MON2: variants seen among roughly 807,000 people sequenced by gnomAD.
The protein encoded by MON2 is MON2 regulator of endosome-to-Golgi trafficking.
MON2 carries 84 observed loss-of-function variants against 208.6 expected under a neutral mutation model. The observed-to-expected ratio is 0.40, with a 90% CI of 0.34 to 0.48. The LOEUF (loss-of-function observed/expected upper bound fraction) is 0.48. Ranked by LOEUF, MON2 falls within the 20% of genes least tolerant of loss-of-function variation. The pLI is 0.59. For missense variants in MON2, 1,611 were observed against 2,015.4 expected, an observed-to-expected ratio of 0.80 and a Z score of 3.84; for synonymous variants, 660 against 694.0, an observed-to-expected ratio of 0.95 and a Z score of 0.77.
intron 11 of MON2, among the ~76,000 whole-genome samples, chr12:62,528,401 T>A (rs2072450316): frequency 6.6e-6 from 1 of 152,206 alleles, no homozygotes; most frequent in African/African-American, 2.4e-5. Context: ...TTTATTACAC[T>A]ACAGATCCCT....
Position 62,534,975 on chromosome 12 carries a change from A to G in MON2, c.1715+49A>G, listed in dbSNP as rs770865660. 8.9e-6 allele frequency: 7 copies of G among 786,324 alleles called. No individual in the cohort carries two copies. In the African/African-American group the frequency reaches 8.9e-5, roughly 10 times the overall value. The allele number at this position is 786,324 out of a possible 1,614,324, so 48.7% of individuals were successfully genotyped here. A position where few individuals can be genotyped will look rare whatever the true frequency, so the allele number is the denominator to read the frequency against. On this transcript the variant is annotated intron_variant, in intron 13 of 34. Coordinates refer to ENST00000393630, the MANE Select transcript of MON2 (RefSeq NM_015026.3). ...TATTGAACTGTGTCAGTTAAAAAAA[A>G]CACATTAAAATGGTTTACTTACATT...
intron 19 of MON2, among the ~76,000 whole-genome samples, chr12:62,539,328 C>T (rs1055738625): frequency 1.3e-5 from 2 of 150,538 alleles, no homozygotes; most frequent in East Asian, 2.0e-4. Flanking sequence ...AGTGCAGTGG[C>T]GCAATCTCGG....
Position 62,493,913 on chromosome 12 carries a change from A to G in MON2, c.176-2A>G. ...TTTACTTTATATGTGTTCTAAATGA[A>G]GCACTGAAAGAGAACAGCTCAGAGG... On this transcript the variant is annotated splice_acceptor_variant, in intron 2 of 34. Coordinates refer to ENST00000393630, the MANE Select transcript of MON2 (RefSeq NM_015026.3). LOFTEE classifies it high-confidence loss of function. 1 of 1,560,870 alleles carries G rather than the reference A, an allele frequency of 6.4e-7. No individual in the cohort carries two copies. The highest frequency in any genetic ancestry group is 8.7e-7 in the Non-Finnish European group (1 of 1,150,102).
At chr12:62,473,628 T>C (rs1368715188) in intron 1 of MON2, among the ~76,000 whole-genome samples, 2 of 152,140 alleles carry the variant, frequency 1.3e-5, no homozygotes, top group African/African-American at 4.8e-5. Flanking sequence ...TGGAGTGCAG[T>C]GGGCTATCTT....
intron 25 of MON2, among the ~76,000 whole-genome samples, chr12:62,557,498 G>A (rs543624783): frequency 6.6e-6 from 1 of 152,262 alleles, no homozygotes; most frequent in South Asian, 2.1e-4. Context: ...GAGAAACCTG[G>A]TTGCCGATTA....
chr12:62,534,903 A>T lies in MON2; in HGVS notation c.1692A>T (p.Ala564=). 1 of 1,611,194 alleles carries T rather than the reference A, an allele frequency of 6.2e-7. No individual in the cohort carries two copies. Among genetic ancestry groups the T allele is most frequent in the Non-Finnish European group, 8.5e-7 (1 of 1,178,484 alleles). ...VNACWCGLLA[A]LSLLLDASTD... is the part of the protein sequence containing the mutation. Reference sequence around the variant, plus strand: ...CCTGCTGGTGTGGTCTTCTTGCTGCACTCTCACTCCTTCTTGATGCCAGGT... The same window carrying T: ...CCTGCTGGTGTGGTCTTCTTGCTGCTCTCTCACTCCTTCTTGATGCCAGGT... The change falls in exon 13 of 35, where the codon GCA becomes GCT. Residue 564 remains alanine (A), a synonymous_variant. Transcript: ENST00000393630.
chr12:62,570,645 T>C (rs1565697907), intron 29 of MON2, among the ~76,000 whole-genome samples: 1 of 152,028 alleles, frequency 6.6e-6, no homozygotes, highest in South Asian at 2.1e-4. Context: ...ATAAGCAATA[T>C]TGACCCTTTG....
intron 30 of MON2, among the ~76,000 whole-genome samples, chr12:62,575,211 C>T (rs1360236000): frequency 1.3e-5 from 2 of 152,140 alleles, no homozygotes; most frequent in Non-Finnish European, 2.9e-5. Context: ...CTGGATAAAG[C>T]CAGTTTAGTT....
intron 24 of MON2, 97 bp downstream of exon 24, chr12:62,553,271 T>C: frequency 8.8e-7 from 1 of 1,142,518 alleles, no homozygotes; most frequent in Non-Finnish European, 1.2e-6. Flanking sequence ...TTTTAAAGAA[T>C]TTCCATGCAT....
rs182032872 is a variant in MON2, at chr12:62,517,679, G to A, written c.985-6836G>A. 1.4e-4 allele frequency among the ~76,000 whole-genome samples: 22 copies of A among 152,220 alleles called. 1 individual carries two copies. The East Asian group carries it at 3.9e-3, about 27-fold the overall frequency. On this transcript the variant is annotated intron_variant, in intron 8 of 34. Transcript: ENST00000393630. ...AGGGCCCTCAGCAGAACCTGAACAC[G>A]CTAACATCTCTATCTCATATTTCCA...
In MON2 at chr12:62,525,974, C is replaced by A; in HGVS notation, c.1272C>A (p.Val424=). 1.9e-6 allele frequency: 3 copies of A among 1,613,734 alleles called. No individual in the cohort carries two copies. Among genetic ancestry groups the A allele is most frequent in the Non-Finnish European group, 2.5e-6 (3 of 1,179,812 alleles). ...QAGNNNLGGS[V]SAPANSGMVG... The stretch of plus-strand genomic sequence containing the variant: ...GAAACAATAATTTAGGTGGCTCAGT[C>A]TCAGCACCAGCTAACTCAGGAATGG... The change falls in exon 11 of 35, where the codon GTC becomes GTA. Residue 424 remains valine (V), a synonymous_variant. Coordinates refer to ENST00000393630, the MANE Select transcript of MON2 (RefSeq NM_015026.3).
intron 30 of MON2, among the ~76,000 whole-genome samples, chr12:62,574,845 AAAG>A (rs2136426084): frequency 6.6e-6 from 1 of 152,244 alleles, no homozygotes; most frequent in Admixed American, 6.5e-5. Context: ...TGAAAGACAA[AAAG>A]AAGGCCAACC....
intron 5 of MON2, 28 bp downstream of exon 5, chr12:62,499,076 G>C: frequency 6.2e-7 from 1 of 1,603,920 alleles, no homozygotes; most frequent in Non-Finnish European, 8.5e-7. Context: ...GTTTTACTTT[G>C]TGGGTGGTTC....
rs370054308 is a variant in MON2 at position 62,513,811 on chromosome 12, G to T, written c.984+5331G>T. ...AAATACAAAAAAAAACTAGCCGAGC[G>T]TGGTGGCAGGCACTTGTAGTCCCAG... On this transcript the variant is annotated intron_variant, in intron 8 of 34. Transcript: ENST00000393630. 4.1e-5 allele frequency among the ~76,000 whole-genome samples: 6 copies of T among 145,696 alleles called. 1 individual carries two copies. The East Asian group carries it at 1.1e-3, about 27-fold the overall frequency.
At position 62,501,460 on chromosome 12, in the gene MON2, GC is replaced by G. The variant is rs529541161; in HGVS notation, c.664-112del. ...ATTACCAGTGCTTAGTTTCTAAGGA[GC>G]AAAAACATGTATTATATAAGAAGAT... On this transcript the variant is annotated intron_variant, in intron 6 of 34. Transcript: ENST00000393630. 3,128 of 1,260,954 alleles carry G rather than the reference GC, an allele frequency of 2.5e-3. 17 individuals carry two copies. Among genetic ancestry groups the G allele is most frequent in the South Asian group, 3.1e-3 (203 of 65,518 alleles). 78.1% of individuals were successfully genotyped at this position (1,260,954 alleles called of 1,614,324 possible). A position where few individuals can be genotyped will look rare whatever the true frequency, so the allele number is the denominator to read the frequency against.
chr12:62,541,119 C>T (rs760245397), intron 19 of MON2, among the ~76,000 whole-genome samples: 3 of 152,166 alleles, frequency 2.0e-5, no homozygotes, highest in Middle Eastern at 3.4e-3. Flanking sequence ...TGGTGGCTTA[C>T]GCCTGTAATC....
At chr12:62,582,605 T>G (rs1028682052) in intron 32 of MON2, among the ~76,000 whole-genome samples, 3 of 152,200 alleles carry the variant, frequency 2.0e-5, no homozygotes, top group African/African-American at 7.2e-5. Flanking sequence ...ATTGACATGG[T>G]TAAATTCCCA....
chr12:62,540,356 A>G (rs1047602436), intron 19 of MON2, among the ~76,000 whole-genome samples: 3 of 152,162 alleles, frequency 2.0e-5, no homozygotes, highest in Non-Finnish European at 2.9e-5. Context: ...CTGAATTTTT[A>G]GTTCCTTGTT....
Position 62,599,132 on chromosome 12 carries a change from GAGTAA to G in MON2, c.*6386_*6390del, listed in dbSNP as rs2075581243. ...TCACTTTGGGAAAAAAAAAATTATAGAGTAAAGGGGAAATGTTCTTGAGAGCTTTA... is the reference window on the plus strand; with the variant it reads ...TCACTTTGGGAAAAAAAAAATTATAGAGGGGAAATGTTCTTGAGAGCTTTA... On this transcript the variant is annotated 3_prime_UTR_variant, in exon 35 of 35. Transcript: ENST00000393630. The G allele has an allele frequency of 6.6e-6, 1 of 151,918 alleles. No individual in the cohort carries two copies. Among genetic ancestry groups the G allele is most frequent in the Non-Finnish European group, 1.5e-5 (1 of 67,962 alleles). 9.4% of individuals were successfully genotyped at this position (151,918 alleles called of 1,614,324 possible).
Sources: gnomAD v4.1 joint callset for allele counts (sites outside exome capture counted in the v4.1 genomes callset) on GRCh38, gnomAD v4.1.1 for gene constraint, MANE v1.5 for transcripts, NCBI Gene and HGNC (gene_info 2026-07-23, HGNC 2026-07-21) for gene names.